Variants in ROBO2 observed in about 807,000 individuals in gnomAD.
The protein encoded by ROBO2 is roundabout guidance receptor 2.
In ROBO2, 53 loss-of-function variants were observed where a neutral mutation model predicts 160.8. That is an observed-to-expected ratio of 0.33 (90% CI 0.26 to 0.41). ROBO2 has a LOEUF of 0.41. Ranked by LOEUF, ROBO2 falls within the 10% of genes least tolerant of loss-of-function variation. The pLI, the probability that ROBO2 is intolerant of heterozygous loss-of-function variation, is 1.00. For missense variants in ROBO2, 1,577 were observed against 1,722.4 expected (o/e 0.92, Z 1.49); for synonymous variants, 664 against 611.7 (o/e 1.09, Z -1.26).
At chr3:76,273,107 ACACACACATATAAAT>A (rs1559707210) in intron 2 of ROBO2, among the ~76,000 whole-genome samples, 7 of 27,100 alleles carry the variant, frequency 2.6e-4, no homozygotes, top group African/African-American at 4.7e-4. Flanking sequence ...ACACATATAC[ACACACACATATAAAT>A]ATATATATAT....
intron 2 of ROBO2, among the ~76,000 whole-genome samples, chr3:76,223,321 C>T (rs1479204132): frequency 6.6e-6 from 1 of 151,546 alleles, no homozygotes; most frequent in Admixed American, 6.6e-5. Flanking sequence ...TTTCCTGGGG[C>T]AATGCGGGGT....
intron 2 of ROBO2, among the ~76,000 whole-genome samples, chr3:76,680,263 C>T (rs2092522327): frequency 6.6e-6 from 1 of 151,814 alleles, no homozygotes; most frequent in African/African-American, 2.4e-5. Flanking sequence ...TCCTACACCC[C>T]AAGCACTGCC....
At chr3:77,417,192 G>A (rs1463815904) in intron 2 of ROBO2, among the ~76,000 whole-genome samples, 1 of 150,364 alleles carries the variant, frequency 6.7e-6, no homozygotes, top group African/African-American at 2.5e-5. Context: ...GCAAAATCAA[G>A]GGTTTCCATT....
intron 2 of ROBO2, among the ~76,000 whole-genome samples, chr3:76,869,344 T>C (rs974717346): frequency 3.6e-4 from 38 of 106,568 alleles, no homozygotes; most frequent in East Asian, 3.4e-3. Context: ...AAATTGATGT[T>C]TTTTTTTTTT....
intron 2 of ROBO2, among the ~76,000 whole-genome samples, chr3:77,155,268 A>G (rs2077903898): frequency 6.6e-6 from 1 of 152,028 alleles, no homozygotes; most frequent in Non-Finnish European, 1.5e-5. Flanking sequence ...AGATGGAATT[A>G]AAGTTGCTCA....
intron 2 of ROBO2, among the ~76,000 whole-genome samples, chr3:76,877,886 A>G (rs1007411835): frequency 2.6e-5 from 4 of 152,214 alleles, no homozygotes; most frequent in African/African-American, 9.6e-5. Flanking sequence ...GTAAAAGGGC[A>G]GGAGGAAAGG....
chr3:75,989,875 T>C (rs1296290660), intron 2 of ROBO2, among the ~76,000 whole-genome samples: 1 of 152,224 alleles, frequency 6.6e-6, no homozygotes, highest in East Asian at 1.9e-4. Context: ...TGTCAGCAAT[T>C]GCAGGCCCAT....
chr3:77,550,477 G>C (rs1233530647), intron 7 of ROBO2, among the ~76,000 whole-genome samples: 2 of 151,980 alleles, frequency 1.3e-5, no homozygotes, highest in Non-Finnish European at 2.9e-5. Flanking sequence ...AGTCAGATAA[G>C]AATTGTTTTG....
intron 2 of ROBO2, among the ~76,000 whole-genome samples, chr3:76,299,847 A>G (rs1031946582): frequency 2.0e-5 from 3 of 152,152 alleles, no homozygotes; most frequent in African/African-American, 7.2e-5. Flanking sequence ...TGAGGATGTA[A>G]GAATGACTAA....
chr3:76,270,813 A>G (rs145321665), intron 2 of ROBO2, among the ~76,000 whole-genome samples: 9 of 152,220 alleles, frequency 5.9e-5, no homozygotes, highest in Admixed American at 4.6e-4. Flanking sequence ...AATGTAGAGT[A>G]TAGCAACTTG....
chr3:77,190,849 A>G (rs184987977), intron 2 of ROBO2, among the ~76,000 whole-genome samples: 4 of 152,208 alleles, frequency 2.6e-5, no homozygotes, highest in Admixed American at 1.3e-4. Flanking sequence ...TGTTCTTTAT[A>G]TAAATTATAG....
At chr3:76,196,430 A>G (rs1317100756) in intron 2 of ROBO2, among the ~76,000 whole-genome samples, 5 of 152,196 alleles carry the variant, frequency 3.3e-5, no homozygotes, top group Admixed American at 6.6e-5. Flanking sequence ...ATATTTCTCA[A>G]GAATTCCTAC....
intron 2 of ROBO2, among the ~76,000 whole-genome samples, chr3:76,871,055 G>C (rs1228080755): frequency 6.6e-6 from 1 of 152,084 alleles, no homozygotes; most frequent in Non-Finnish European, 1.5e-5. Flanking sequence ...TGTAGTTCTT[G>C]GACTTGAAAT....
chr3:76,350,801 G>C (rs1162736296), intron 2 of ROBO2, among the ~76,000 whole-genome samples: 1 of 151,778 alleles, frequency 6.6e-6, no homozygotes, highest in Non-Finnish European at 1.5e-5. Context: ...AATAGAATTT[G>C]CCATCTCCTT....
chr3:77,211,978 C>G (rs907443971), intron 2 of ROBO2, among the ~76,000 whole-genome samples: 1 of 152,100 alleles, frequency 6.6e-6, no homozygotes, highest in African/African-American at 2.4e-5. Flanking sequence ...GTTACTGTAG[C>G]CTTGTAGTAT....
chr3:76,382,263 C>T (rs918235266), intron 2 of ROBO2, among the ~76,000 whole-genome samples: 1 of 152,118 alleles, frequency 6.6e-6, no homozygotes, highest in African/African-American at 2.4e-5. Flanking sequence ...CCACAGCGCT[C>T]GGCCTCGAGA....
At chr3:77,121,205 A>G (rs1310103794) in intron 2 of ROBO2, among the ~76,000 whole-genome samples, 2 of 152,014 alleles carry the variant, frequency 1.3e-5, no homozygotes, top group Non-Finnish European at 2.9e-5. Context: ...TCGGCCTCCC[A>G]AAGTGCTGTG....
intron 2 of ROBO2, among the ~76,000 whole-genome samples, chr3:77,408,135 C>T (rs772669908): frequency 6.6e-6 from 1 of 151,796 alleles, no homozygotes; most frequent in Non-Finnish European, 1.5e-5. Flanking sequence ...CTTCCATGAA[C>T]TGCATTTAGG....
intron 2 of ROBO2, among the ~76,000 whole-genome samples, chr3:76,222,919 T>G (rs997565709): frequency 2.6e-5 from 4 of 152,000 alleles, no homozygotes; most frequent in African/African-American, 9.7e-5. Flanking sequence ...CATGCCCAGC[T>G]AACTTTTGTA....
Sources: allele counts gnomAD v4.1 joint callset (sites outside exome capture counted in the v4.1 genomes callset), GRCh38; gene constraint gnomAD v4.1.1; transcripts MANE v1.5; gene names NCBI Gene and HGNC (gene_info 2026-07-23, HGNC 2026-07-21).